The following PRR5 variants were observed in gnomAD, a reference collection of about 807,000 sequenced individuals.
PRR5 encodes proline-rich protein 5.
Under a neutral mutation model 30.6 loss-of-function variants are expected in PRR5, and 25 were observed. That is an observed-to-expected ratio of 0.82 (90% confidence interval 0.60 to 1.14). PRR5 has a LOEUF of 1.14. Among genes scored for constraint, PRR5 ranks in the 50% most tolerant of loss-of-function variants. The pLI, the probability that PRR5 is intolerant of heterozygous loss-of-function variation, is 0.00. For synonymous variants in PRR5, 286 were observed against 247.1 expected, an observed-to-expected ratio of 1.16 and a Z score of -1.48; for missense variants, 600 against 547.1, an observed-to-expected ratio of 1.10 and a Z score of -0.96.
intron 2 of PRR5, among the ~76,000 whole-genome samples, chr22:44,718,352 G>A (rs1271381433): frequency 6.6e-6 from 1 of 151,718 alleles, no homozygotes; most frequent in East Asian, 1.9e-4. Context: ...GCATGACCAC[G>A]CCTGGCTAAT....
chr22:44,683,778 T>C (rs1924497904), intron 1 of PRR5, among the ~76,000 whole-genome samples: 1 of 152,176 alleles, frequency 6.6e-6, no homozygotes, highest in Non-Finnish European at 1.5e-5. Context: ...ATTAGCTACA[T>C]CCTAAGCCTC....
Position 44,669,352 on chromosome 22 carries a change from G to A in PRR5, c.-11+547G>A, listed in dbSNP as rs181432904. On this transcript the variant is annotated intron_variant, in intron 1 of 8. Transcript: ENST00000432186. The stretch of plus-strand genomic sequence containing the variant: ...GTGGCCCCCACCGCTCTGGCCTCTG[G>A]CCTGGGCCTCCAGCCACTTCCTGGC... Among the ~76,000 whole-genome samples, 290 of 152,298 alleles carry A rather than the reference G, an allele frequency of 1.9e-3. 1 individual carries two copies. The highest frequency in any genetic ancestry group is 6.7e-3 in the African/African-American group (277 of 41,564).
At chr22:44,730,906 T>A in intron 4 of PRR5, 1 of 459,744 alleles carries the variant, frequency 2.2e-6, no homozygotes, top group African/African-American at 2.0e-5. Flanking sequence ...ACTGCCCTTA[T>A]GATCCTGCTC....
intron 1 of PRR5, among the ~76,000 whole-genome samples, chr22:44,688,316 G>A (rs922888603): frequency 5.9e-5 from 9 of 152,176 alleles, no homozygotes; most frequent in East Asian, 2.0e-4. Flanking sequence ...CCTGGGAGGC[G>A]GAGGTTGCAG....
In PRR5 at chr22:44,702,440, C is replaced by A. The variant is rs1435919822; in HGVS notation, c.-35C>A. On this transcript the variant is annotated 5_prime_UTR_variant, in exon 1 of 8. Coordinates refer to ENST00000336985, the MANE Select transcript of PRR5 (RefSeq NM_181333.4). ...GCGTGGCGCAGGGCGCGGCGTGGGG[C>A]GCGCGTGGGCGCGGCGCAGGCGGCC... 1 of 1,294,988 alleles carries A rather than the reference C, an allele frequency of 7.7e-7. No homozygotes were observed. The highest frequency in any genetic ancestry group is 4.1e-5 in the Admixed American group (1 of 24,398). 80.2% of individuals were successfully genotyped at this position (1,294,988 alleles called of 1,614,324 possible). A position where few individuals can be genotyped will look rare whatever the true frequency, so the allele number is the denominator to read the frequency against.
intron 1 of PRR5, among the ~76,000 whole-genome samples, chr22:44,681,651 G>A (rs1336504385): frequency 2.6e-5 from 4 of 152,116 alleles, no homozygotes; most frequent in African/African-American, 9.7e-5. Context: ...AGACAGTGCA[G>A]GCACAGCTCT....
At chr22:44,687,934 C>G (rs1924899040) in intron 1 of PRR5, among the ~76,000 whole-genome samples, 1 of 152,016 alleles carries the variant, frequency 6.6e-6, no homozygotes, top group African/African-American at 2.4e-5. Context: ...ACCACCACAC[C>G]TGGCTAATTT....
chr22:44,705,266 T>C (rs1377111911), intron 1 of PRR5, among the ~76,000 whole-genome samples: 3 of 152,072 alleles, frequency 2.0e-5, no homozygotes, highest in African/African-American at 7.2e-5. Context: ...ATCACTCCAA[T>C]ATGTACCTCC....
Position 44,703,013 on chromosome 22 carries a change from C to T in PRR5, c.134+405C>T, listed in dbSNP as rs529038652. Among the ~76,000 whole-genome samples, 4 of 152,286 alleles carry T rather than the reference C, an allele frequency of 2.6e-5. No individual in the cohort carries two copies. The South Asian group carries it at 8.3e-4, about 32-fold the overall frequency. On this transcript the variant is annotated intron_variant, in intron 1 of 7. Coordinates refer to ENST00000336985, the MANE Select transcript of PRR5 (RefSeq NM_181333.4). Reference sequence around the variant, plus strand: ...GGCTGAGCACGGGAGCCTCGGGGCTCAGTGGGTGGGTCGCGCAGGCTTCCT... The same window carrying T: ...GGCTGAGCACGGGAGCCTCGGGGCTTAGTGGGTGGGTCGCGCAGGCTTCCT...
At position 44,691,412 on chromosome 22, in the gene PRR5, A is replaced by T. The variant is rs942892585; in HGVS notation, c.-10-11080A>T. Among the ~76,000 whole-genome samples, 1 of 152,110 alleles carries T rather than the reference A, an allele frequency of 6.6e-6. No homozygotes were observed. Among genetic ancestry groups the T allele is most frequent in the Admixed American group, 6.5e-5 (1 of 15,278 alleles). The stretch of plus-strand genomic sequence containing the variant: ...CCCGCGCTGGGCACAGCATGTACTC[A>T]GCGGTGGGGACCCTGCCCTAGACTC... On this transcript the variant is annotated intron_variant, in intron 1 of 8. Coordinates refer to the PRR5 transcript ENST00000006251. The surrounding 1 kb of genome is among the most constrained non-coding windows in gnomAD (Gnocchi z 4.4).
At chr22:44,733,589 C>A (rs1448961748) in intron 6 of PRR5, among the ~76,000 whole-genome samples, 1 of 152,056 alleles carries the variant, frequency 6.6e-6, no homozygotes, top group Non-Finnish European at 1.5e-5. Flanking sequence ...GAAGCGGGGA[C>A]CCTTGAGGGA....
chr22:44,690,979 G>A (rs1438420686), intron 1 of PRR5, among the ~76,000 whole-genome samples: 2 of 152,136 alleles, frequency 1.3e-5, no homozygotes, highest in African/African-American at 4.8e-5. Flanking sequence ...TGCAGGCAGA[G>A]GGCCTCATCC....
intron 7 of PRR5, among the ~76,000 whole-genome samples, chr22:44,735,503 CAGTT>C (rs1428889186): frequency 1.3e-5 from 2 of 152,140 alleles, no homozygotes; most frequent in Non-Finnish European, 2.9e-5. Flanking sequence ...ACTCCTGGCT[CAGTT>C]AGGGGACCCA....
intron 7 of PRR5, among the ~76,000 whole-genome samples, chr22:44,735,447 T>C (rs763998152): frequency 2.0e-5 from 3 of 152,140 alleles, no homozygotes; most frequent in Non-Finnish European, 4.4e-5. Context: ...AAGTCAGAAG[T>C]GGGCCAGGCG....
At chr22:44,678,608 C>T (rs1011805779) in intron 1 of PRR5, among the ~76,000 whole-genome samples, 1 of 152,212 alleles carries the variant, frequency 6.6e-6, no homozygotes, top group Non-Finnish European at 1.5e-5. Context: ...AGCCACCGCG[C>T]CCTGCCTGCT....
intron 1 of PRR5, among the ~76,000 whole-genome samples, chr22:44,695,775 A>G (rs898341395): frequency 1.3e-5 from 2 of 151,036 alleles, no homozygotes; most frequent in Non-Finnish European, 2.9e-5. Flanking sequence ...ATTTTTTTGT[A>G]TTTTTAGTAG....
Position 44,737,397 on chromosome 22 carries a change from T to G in PRR5, c.*150T>G, listed in dbSNP as rs1236270602. ...TGGCCTTGGTCACTTTGTATTTCTG[T>G]CTTGGTTGGAAATACCATCAGCCTT... On this transcript the variant is annotated 3_prime_UTR_variant, in exon 8 of 8. Coordinates refer to ENST00000336985, the MANE Select transcript of PRR5 (RefSeq NM_181333.4). 1.4e-6 allele frequency: 2 copies of G among 1,380,594 alleles called. No individual in the cohort carries two copies. The highest frequency in any genetic ancestry group is 2.9e-5 in the African/African-American group (2 of 68,816). The allele number at this position is 1,380,594 out of a possible 1,614,324, so 85.5% of individuals were successfully genotyped here.
chr22:44,684,309 G>A (rs996117193), intron 1 of PRR5, among the ~76,000 whole-genome samples: 3 of 152,296 alleles, frequency 2.0e-5, no homozygotes, highest in Middle Eastern at 3.4e-3. Context: ...TTGGGAGGCC[G>A]AGGTAGGTGG....
intron 2 of PRR5, among the ~76,000 whole-genome samples, chr22:44,718,298 G>A (rs894984812): frequency 4.8e-5 from 7 of 147,262 alleles, no homozygotes; most frequent in African/African-American, 1.2e-4. Context: ...GGGTTCAAGC[G>A]ATTCTTGTGC....
Sources: gnomAD v4.1 joint callset for allele counts (sites outside exome capture counted in the v4.1 genomes callset) on GRCh38, gnomAD v4.1.1 for gene constraint, Gnocchi (gnomAD v3.1) non-coding constraint, MANE v1.5 for transcripts, NCBI Gene and HGNC (gene_info 2026-07-23, HGNC 2026-07-21) for gene names.